NGLY1: variants seen among roughly 807,000 people sequenced by gnomAD.
NGLY1 encodes N-glycanase 1.
NGLY1 carries 68 observed loss-of-function variants against 84.6 expected under a neutral mutation model. The observed-to-expected ratio is 0.80, with a 90% confidence interval of 0.66 to 0.98. The LOEUF is 0.98. Among genes scored for constraint, NGLY1 ranks in the 50% least tolerant of loss-of-function variants. The pLI is 0.00. For synonymous variants in NGLY1, 280 were observed against 275.2 expected, an observed-to-expected ratio of 1.02 and a Z score of -0.17; for missense variants, 779 against 770.2, an observed-to-expected ratio of 1.01 and a Z score of -0.14.
intron 3 of NGLY1, among the ~76,000 whole-genome samples, 186 bp downstream of exon 3, chr3:25,763,880 T>C (rs944184874): frequency 6.6e-5 from 10 of 152,208 alleles, no homozygotes; most frequent in Non-Finnish European, 8.8e-5. Flanking sequence ...ATCAGAAGTA[T>C]TAATGCAGTA....
chr3:25,783,479 CA>C, upstream of NGLY1: 1 of 1,316,854 alleles, frequency 7.6e-7, no homozygotes, highest in East Asian at 3.2e-5. The surrounding 1 kb of genome is among the most constrained non-coding windows in gnomAD (Gnocchi z 4.5). Flanking sequence ...CTACCGCAGC[CA>C]CCGGCAGGGG....
chr3:25,780,627 G>T (rs1462949910), intron 1 of NGLY1, among the ~76,000 whole-genome samples: 1 of 151,946 alleles, frequency 6.6e-6, no homozygotes, highest in Non-Finnish European at 1.5e-5. Context: ...TATAGTTTTT[G>T]TTTTGTTTTT....
intron 3 of NGLY1, chr3:25,755,226 C>T (rs913545157): frequency 2.2e-6 from 3 of 1,371,738 alleles, no homozygotes; most frequent in Admixed American, 3.4e-5. Context: ...AAAAATCAAA[C>T]CCCTTTGCCA....
intron 3 of NGLY1, among the ~76,000 whole-genome samples, chr3:25,761,334 T>C (rs766117108): frequency 6.6e-6 from 1 of 152,168 alleles, no homozygotes; most frequent in Non-Finnish European, 1.5e-5. Flanking sequence ...TGAGGTACCA[T>C]GTCATTGAAA....
chr3:25,738,225 T>G (rs1189166766), intron 5 of NGLY1, among the ~76,000 whole-genome samples: 1 of 152,172 alleles, frequency 6.6e-6, no homozygotes, highest in Admixed American at 6.5e-5. Context: ...ACAAAAATTT[T>G]AGCTTAGTTT....
At chr3:25,760,274 GTA>G (rs1260584468) in intron 3 of NGLY1, among the ~76,000 whole-genome samples, 2 of 151,908 alleles carry the variant, frequency 1.3e-5, no homozygotes, top group Non-Finnish European at 2.9e-5. Context: ...ATATATATAT[GTA>G]TGTGTGTGTG....
chr3:25,720,293 C>T (rs1220919727), intron 10 of NGLY1, 102 bp from the exon 11 acceptor site: 1 of 864,664 alleles, frequency 1.2e-6, no homozygotes, highest in East Asian at 2.9e-5. Flanking sequence ...GTAGTATGTA[C>T]AAGTGGTTAT....
Position 25,764,306 on chromosome 3 carries a change from T to C in NGLY1, c.252A>G (p.Glu84=). ...CTTTTTTAGGAAAGATGAGATGTGTTTCTCCCTGGAATTTATAAAATTAAA... is the reference window on the plus strand; with the variant it reads ...CTTTTTTAGGAAAGATGAGATGTGTCTCTCCCTGGAATTTATAAAATTAAA... The part of the protein sequence containing the change: ...CLFEMGFEEG[E]THLIFPKKAS... Residue 84 remains glutamate (E), a synonymous_variant, in exon 3 of 12, where the codon GAA becomes GAG. Transcript: ENST00000280700. 1 of 1,611,224 alleles carries C rather than the reference T, an allele frequency of 6.2e-7. No homozygotes were observed.
chr3:25,740,885 G>A (rs988407519), intron 4 of NGLY1, among the ~76,000 whole-genome samples: 5 of 151,994 alleles, frequency 3.3e-5, no homozygotes, highest in Non-Finnish European at 5.9e-5. Context: ...CCAGCACTTT[G>A]GGAGGCCAAG....
chr3:25,740,581 T>C (rs1274671076), intron 4 of NGLY1, among the ~76,000 whole-genome samples: 1 of 152,104 alleles, frequency 6.6e-6, no homozygotes, highest in Non-Finnish European at 1.5e-5. Flanking sequence ...ATATATAGCA[T>C]AATGATAAAA....
chr3:25,774,613 C>A (rs1445307235), intron 2 of NGLY1, among the ~76,000 whole-genome samples: 6 of 152,122 alleles, frequency 3.9e-5, no homozygotes, highest in Admixed American at 6.5e-5. Context: ...CCCACACAGC[C>A]AGAAGGGCCA....
intron 6 of NGLY1, chr3:25,737,086 A>G (rs2125478007): frequency 3.0e-6 from 1 of 337,008 alleles, no homozygotes; most frequent in East Asian, 4.8e-5. Context: ...CATCAATAAA[A>G]AAATAAAGGG....
intron 10 of NGLY1, among the ~76,000 whole-genome samples, chr3:25,726,772 A>G (rs1705288045): frequency 6.6e-6 from 1 of 152,236 alleles, no homozygotes; most frequent in Non-Finnish European, 1.5e-5. Context: ...ATTAGGACAG[A>G]GGGAGATTAG....
chr3:25,751,338 G>T, intron 3 of NGLY1, 75 bp from the exon 4 acceptor site: 2 of 1,240,118 alleles, frequency 1.6e-6, no homozygotes, highest in Non-Finnish European at 2.1e-6. Flanking sequence ...AAAAAACTGT[G>T]GTTTTATGAT....
chr3:25,739,459 C>T (rs1706013330), intron 5 of NGLY1, 118 bp downstream of exon 5: 9 of 1,003,476 alleles, frequency 9.0e-6, no homozygotes, highest in East Asian at 5.3e-5. Flanking sequence ...GTTTGCTCAC[C>T]GGTATTTTAG....
intron 3 of NGLY1, among the ~76,000 whole-genome samples, chr3:25,758,333 T>C (rs965498663): frequency 6.6e-6 from 1 of 152,162 alleles, no homozygotes; most frequent in Non-Finnish European, 1.5e-5. Context: ...CCTAGCACTT[T>C]TGGCAGCTGA....
At chr3:25,783,473 C>G, upstream of NGLY1, 2 of 1,332,188 alleles carry the variant, frequency 1.5e-6, no homozygotes, top group South Asian at 2.0e-5. This position sits in a 1 kb window ranked among gnomAD's most constrained non-coding sequence, Gnocchi z 4.5. Context: ...CAGCAGCTAC[C>G]GCAGCCACCG....
intron 9 of NGLY1, 50 bp from the exon 10 acceptor site, chr3:25,729,368 AAGAAAAAAG>A: frequency 8.4e-7 from 1 of 1,190,126 alleles, no homozygotes; most frequent in Non-Finnish European, 1.1e-6. Context: ...AGATGTAAAA[AAGAAAAAAG>A]AGAAATTACT....
chr3:25,777,453 T>C (rs1708209914), intron 2 of NGLY1, among the ~76,000 whole-genome samples: 2 of 148,422 alleles, frequency 1.3e-5, no homozygotes, highest in Non-Finnish European at 1.5e-5. Flanking sequence ...TAAAATAAAG[T>C]CTAAGTCTTT....
Sources: gnomAD v4.1 joint callset for allele counts (sites outside exome capture counted in the v4.1 genomes callset) on GRCh38, gnomAD v4.1.1 for gene constraint, Gnocchi (gnomAD v3.1) non-coding constraint, MANE v1.5 for transcripts, NCBI Gene and HGNC (gene_info 2026-07-23, HGNC 2026-07-21) for gene names.